KDM2A: variants seen among roughly 807,000 people sequenced by gnomAD.
KDM2A encodes the protein lysine-specific demethylase 2A.
Under a neutral mutation model 137.3 loss-of-function variants are expected in KDM2A, and 3 were observed. The observed-to-expected ratio is 0.02, with a 90% CI of 0.01 to 0.06. The LOEUF (loss-of-function observed/expected upper bound fraction) is 0.06, where lower values mean the gene tolerates loss of function less well. Ranked by LOEUF, KDM2A falls within the 10% of genes least tolerant of loss-of-function variation. The pLI, the probability that KDM2A is intolerant of heterozygous loss-of-function variation, is 1.00. For synonymous variants in KDM2A, 512 were observed against 541.5 expected (o/e 0.95, Z 0.76); for missense variants, 738 against 1,510.6 (o/e 0.49, Z 8.48).
chr11:67,122,034 T>G (rs1325871827), intron 2 of KDM2A, among the ~76,000 whole-genome samples: 2 of 152,214 alleles, frequency 1.3e-5, no homozygotes, highest in Admixed American at 1.3e-4. Context: ...GTTTCCCTAT[T>G]GGAGTTTTAA....
intron 9 of KDM2A, among the ~76,000 whole-genome samples, chr11:67,218,901 G>A (rs917495374): frequency 6.6e-6 from 1 of 152,200 alleles, no homozygotes; most frequent in Non-Finnish European, 1.5e-5. Flanking sequence ...GAGCCCCCGC[G>A]CCAGGTCATG....
intron 18 of KDM2A, among the ~76,000 whole-genome samples, chr11:67,253,219 GGAAGTCACTCCT>G (rs1229008935): frequency 1.3e-5 from 2 of 152,126 alleles, no homozygotes; most frequent in African/African-American, 4.8e-5. Context: ...TAGAAAGACA[GGAAGTCACTCCT>G]TCTTGTATTG....
intron 2 of KDM2A, among the ~76,000 whole-genome samples, chr11:67,140,378 T>C (rs576282541): frequency 7.3e-5 from 11 of 151,400 alleles, no homozygotes; most frequent in Middle Eastern, 3.4e-3. Context: ...AAAAAAAATA[T>C]CATGGTTTTA....
chr11:67,251,249 A>C (rs1859416179), intron 17 of KDM2A, among the ~76,000 whole-genome samples: 1 of 152,204 alleles, frequency 6.6e-6, no homozygotes, highest in African/African-American at 2.4e-5. Flanking sequence ...CAGTGAGAGA[A>C]GTGGGCATGC....
intron 17 of KDM2A, among the ~76,000 whole-genome samples, chr11:67,251,465 AT>A (rs1305025595): frequency 6.6e-6 from 1 of 152,188 alleles, no homozygotes; most frequent in Admixed American, 6.5e-5. Flanking sequence ...CCCATTGGGC[AT>A]TGTTGGTTTT....
chr11:67,157,476 G>A (rs1856544033), intron 2 of KDM2A, among the ~76,000 whole-genome samples: 1 of 151,882 alleles, frequency 6.6e-6, no homozygotes, highest in South Asian at 2.1e-4. Flanking sequence ...CGGGTGCAGT[G>A]GCTCACGCTT....
intron 7 of KDM2A, 57 bp downstream of exon 7, chr11:67,215,503 A>G (rs1590793838): frequency 4.4e-6 from 5 of 1,128,518 alleles, no homozygotes; most frequent in African/African-American, 1.5e-5. Flanking sequence ...AAGCAATAGC[A>G]AGGATTGGCT....
At chr11:67,242,424 T>G (rs2136445153) in intron 12 of KDM2A, among the ~76,000 whole-genome samples, 1 of 152,292 alleles carries the variant, frequency 6.6e-6, no homozygotes, top group South Asian at 2.1e-4. Context: ...AATTCTGTAT[T>G]AGCAAATCAT....
chr11:67,173,066 C>T (rs973383573), intron 2 of KDM2A, among the ~76,000 whole-genome samples: 1 of 152,088 alleles, frequency 6.6e-6, no homozygotes, highest in Admixed American at 6.6e-5. Context: ...TAACAGTTCA[C>T]TGCAGCTTGG....
rs963199446 is a variant in KDM2A, at chr11:67,121,345, A to G, written c.29A>G (p.Tyr10Cys). The G allele has an allele frequency of 2.2e-5, 35 of 1,613,754 alleles. No individual in the cohort carries two copies. Among genetic ancestry groups the G allele is most frequent in the Non-Finnish European group, 2.8e-5 (33 of 1,179,782 alleles). MEPEEERIR[Y>C]SQRLRGTMRR... ...GAACCCGAAGAAGAAAGGATTCGTT[A>G]CAGCCAGAGATTGGTTAGTATTTTC... The change falls in exon 2 of 21, where the codon TAC becomes TGC. Residue 10 changes from tyrosine (Y) to cysteine (C), a missense_variant. Transcript: ENST00000529006.
At chr11:67,202,629 A>G (rs768954255) in intron 5 of KDM2A, among the ~76,000 whole-genome samples, 16 of 151,864 alleles carry the variant, frequency 1.1e-4, no homozygotes, top group Non-Finnish European at 2.1e-4. Context: ...AAAAAAAACT[A>G]GCCAGGCATG....
At chr11:67,183,851 G>A (rs554872155) in intron 5 of KDM2A, among the ~76,000 whole-genome samples, 30 of 151,474 alleles carry the variant, frequency 2.0e-4, no homozygotes, top group African/African-American at 7.3e-4. Flanking sequence ...GGTCATGCCT[G>A]TAATCTTAGC....
At chr11:67,197,923 G>A in intron 5 of KDM2A, among the ~76,000 whole-genome samples, 1 of 152,058 alleles carries the variant, frequency 6.6e-6, no homozygotes, top group East Asian at 1.9e-4. Context: ...ATGCCTTATG[G>A]ATAATGTAAA....
chr11:67,147,043 C>T (rs555908524), intron 2 of KDM2A, among the ~76,000 whole-genome samples: 1 of 152,098 alleles, frequency 6.6e-6, no homozygotes, highest in South Asian at 2.1e-4. Flanking sequence ...ATATAAATAG[C>T]CAGAAAACCT....
At chr11:67,135,956 G>A (rs1415931392) in intron 2 of KDM2A, among the ~76,000 whole-genome samples, 1 of 152,098 alleles carries the variant, frequency 6.6e-6, no homozygotes, top group African/African-American at 2.4e-5. Flanking sequence ...TACTTTCATT[G>A]CATTCTGTGT....
chr11:67,207,793 G>A (rs1305595897), intron 6 of KDM2A, 105 bp downstream of exon 6: 3 of 881,842 alleles, frequency 3.4e-6, no homozygotes, highest in Non-Finnish European at 5.0e-6. Flanking sequence ...GGGAGGCCAA[G>A]GGAGGCAGAT....
intron 2 of KDM2A, among the ~76,000 whole-genome samples, chr11:67,150,458 A>G (rs1238067081): frequency 6.6e-6 from 1 of 152,182 alleles, no homozygotes; most frequent in Non-Finnish European, 1.5e-5. Flanking sequence ...TTTTGTAGTA[A>G]TCTATAGTAT....
chr11:67,180,451 A>AT lies in KDM2A; in HGVS notation c.181+241dup, dbSNP rs758461936. ...TTTATTAGGGCAGGAGTATTGTTGG[A>AT]TTTTTTTGCCTAACGGCCTCTTCCT... On this transcript the variant is annotated intron_variant, in intron 3 of 20. Transcript: ENST00000529006. The AT allele has an allele frequency of 2.4e-4, 88 of 367,252 alleles. 2 individuals are homozygous for AT. Among genetic ancestry groups the AT allele is most frequent in the Admixed American group, 1.1e-3 (24 of 21,978 alleles). The allele number at this position is 367,252 out of a possible 1,614,324, so 22.7% of individuals were successfully genotyped here.
At chr11:67,148,055 G>T (rs1856296920) in intron 2 of KDM2A, among the ~76,000 whole-genome samples, 1 of 151,910 alleles carries the variant, frequency 6.6e-6, no homozygotes, top group African/African-American at 2.4e-5. Context: ...CATACATATT[G>T]ATTGATTGAC....
Sources: gnomAD v4.1 joint callset for allele counts (sites outside exome capture counted in the v4.1 genomes callset) on GRCh38, gnomAD v4.1.1 for gene constraint, MANE v1.5 for transcripts, NCBI Gene and HGNC (gene_info 2026-07-23, HGNC 2026-07-21) for gene names.